Variants in LMNTD1 observed in about 807,000 individuals in gnomAD.
The protein encoded by LMNTD1 is lamin tail domain containing 1, also known as lamin tail domain-containing protein 1.
A neutral mutation model predicts 50.9 loss-of-function variants in LMNTD1; 35 were observed. The ratio of observed to expected loss-of-function variants is 0.69; its 90% confidence interval spans 0.53 to 0.91. The LOEUF (loss-of-function observed/expected upper bound fraction) is 0.91. Ranked by LOEUF, LMNTD1 falls within the 40% of genes least tolerant of loss-of-function variation. LMNTD1 has a pLI of 0.00. For missense variants in LMNTD1, 470 were observed against 475.5 expected, an observed-to-expected ratio of 0.99 and a Z score of 0.11; for synonymous variants, 153 against 161.9, an observed-to-expected ratio of 0.94 and a Z score of 0.42.
At chr12:25,526,032 A>G (rs1941680298) in intron 6 of LMNTD1, 67 bp downstream of exon 6, 1 of 1,313,494 alleles carries the variant, frequency 7.6e-7, no homozygotes, top group African/African-American at 1.5e-5. Flanking sequence ...AGAATAAAAA[A>G]TACAGATATG....
intron 9 of LMNTD1, among the ~76,000 whole-genome samples, chr12:25,476,950 T>C (rs563463640): frequency 3.3e-5 from 5 of 152,338 alleles, no homozygotes; most frequent in East Asian, 3.9e-4. Context: ...GCTACTGCCA[T>C]GGCCAGGGTA....
chr12:25,520,827 C>CCAACATT (rs1941265733), intron 6 of LMNTD1, among the ~76,000 whole-genome samples: 1 of 152,168 alleles, frequency 6.6e-6, no homozygotes, highest in Non-Finnish European at 1.5e-5. Flanking sequence ...CAACCATGTA[C>CCAACATT]TGGGGTTCCC....
At chr12:25,546,622 A>G (rs1269083877) in intron 3 of LMNTD1, 68 bp from the exon 4 acceptor site, 8 of 957,580 alleles carry the variant, frequency 8.4e-6, no homozygotes, top group African/African-American at 1.7e-5. Flanking sequence ...AAAGGACCTA[A>G]AGCCATTATC....
chr12:25,566,756 A>G (rs1403013144), intron 1 of LMNTD1, among the ~76,000 whole-genome samples: 2 of 152,226 alleles, frequency 1.3e-5, no homozygotes, highest in Non-Finnish European at 1.5e-5. Flanking sequence ...CTGTTGATGA[A>G]CAATCCTATC....
chr12:25,534,782 G>A (rs975301335), intron 4 of LMNTD1, among the ~76,000 whole-genome samples: 1 of 152,164 alleles, frequency 6.6e-6, no homozygotes, highest in African/African-American at 2.4e-5. Context: ...CAGTACTAAG[G>A]AGACTTTTGC....
At chr12:25,544,367 C>CTAATA (rs1555102134) in intron 4 of LMNTD1, among the ~76,000 whole-genome samples, 4 of 150,890 alleles carry the variant, frequency 2.7e-5, no homozygotes, top group Non-Finnish European at 4.4e-5. Flanking sequence ...TCTATTTTAT[C>CTAATA]TAAGTATAGC....
intron 1 of LMNTD1, among the ~76,000 whole-genome samples, chr12:25,585,499 A>G (rs1389541100): frequency 1.3e-5 from 2 of 152,230 alleles, no homozygotes; most frequent in African/African-American, 2.4e-5. Context: ...CTCAAGGGAG[A>G]TATTTTCAGC....
chr12:25,505,194 T>G (rs538757358), intron 8 of LMNTD1, among the ~76,000 whole-genome samples: 15 of 101,028 alleles, frequency 1.5e-4, no homozygotes, highest in Admixed American at 1.5e-3. Flanking sequence ...CAATTTTGGG[T>G]TTTTTTTTGA....
At position 25,593,252 on chromosome 12, in the gene LMNTD1, C is replaced by A. The variant is rs1592083768; in HGVS notation, c.59-46698G>T. Reference sequence around the variant, plus strand: ...GCTCCAATCCTGGCAAGAGGCCAACCATCACAAAAATAGTGCATTAAGCAA... The same window carrying A: ...GCTCCAATCCTGGCAAGAGGCCAACAATCACAAAAATAGTGCATTAAGCAA... On this transcript the variant is annotated intron_variant, in intron 1 of 7. Transcript: ENST00000445693. Among the ~76,000 whole-genome samples the A allele has an allele frequency of 2.6e-5, 4 of 152,274 alleles. No homozygotes were observed. In the South Asian group the frequency reaches 8.3e-4, roughly 32 times the overall value.
intron 1 of LMNTD1, among the ~76,000 whole-genome samples, chr12:25,596,829 C>T (rs1262372844): frequency 6.6e-6 from 1 of 151,932 alleles, no homozygotes; most frequent in Non-Finnish European, 1.5e-5. Flanking sequence ...AAAGGACGAA[C>T]CAATTCAAAA....
chr12:25,540,158 T>C (rs1942951645), intron 4 of LMNTD1, among the ~76,000 whole-genome samples: 1 of 91,720 alleles, frequency 1.1e-5, no homozygotes, highest in African/African-American at 4.3e-5. Flanking sequence ...AAGGAGGAAC[T>C]GGTACCATTC....
At chr12:25,527,681 TACACACAC>T (rs376707066) in intron 4 of LMNTD1, among the ~76,000 whole-genome samples, 419 of 31,608 alleles carry the variant, frequency 0.013, no homozygotes, top group Middle Eastern at 0.032. Context: ...TATATATATA[TACACACAC>T]ACACACACAC....
At chr12:25,537,384 G>C (rs1942681886) in intron 4 of LMNTD1, among the ~76,000 whole-genome samples, 1 of 152,192 alleles carries the variant, frequency 6.6e-6, no homozygotes, top group Admixed American at 6.5e-5. Flanking sequence ...CTGGGAATGG[G>C]CAGACTGCCT....
At chr12:25,556,338 A>AG, upstream of LMNTD1, among the ~76,000 whole-genome samples, 1 of 152,314 alleles carries the variant, frequency 6.6e-6, no homozygotes, top group East Asian at 1.9e-4. Context: ...TTTCCAAATG[A>AG]GGAAGTGGAA....
At chr12:25,483,126 T>C (rs1938496896) in intron 9 of LMNTD1, among the ~76,000 whole-genome samples, 1 of 151,950 alleles carries the variant, frequency 6.6e-6, no homozygotes, top group South Asian at 2.1e-4. Flanking sequence ...AAAATGGATA[T>C]AAGAAGTCTT....
At position 25,549,198 on chromosome 12, in the gene LMNTD1, A is replaced by T. The variant is rs578107093; in HGVS notation, c.310+128T>A. 8.6e-6 allele frequency: 5 copies of T among 582,234 alleles called. No homozygotes were observed. The East Asian group carries it at 1.4e-4, about 17-fold the overall frequency. The allele number at this position is 582,234 out of a possible 1,614,324, so 36.1% of individuals were successfully genotyped here. On this transcript the variant is annotated intron_variant, in intron 3 of 9. Transcript: ENST00000458174. The stretch of plus-strand genomic sequence containing the variant: ...CCATAGTTAAGTTACTTTTCATAAG[A>T]TGCTAGGAAGTTAGCATTTTGGGGG...
At chr12:25,500,770 C>T (rs755304920) in intron 9 of LMNTD1, among the ~76,000 whole-genome samples, 3 of 152,118 alleles carry the variant, frequency 2.0e-5, no homozygotes, top group African/African-American at 4.8e-5. Flanking sequence ...TCTTAACTTG[C>T]GAAAAGTTCT....
intron 1 of LMNTD1, among the ~76,000 whole-genome samples, chr12:25,626,081 T>C (rs534837486): frequency 6.6e-6 from 1 of 152,256 alleles, no homozygotes; most frequent in Non-Finnish European, 1.5e-5. Context: ...CTTTTTCATC[T>C]GTTTGAAAGT....
chr12:25,525,930 A>C (rs1489285243), intron 6 of LMNTD1, among the ~76,000 whole-genome samples, 169 bp downstream of exon 6: 1 of 152,126 alleles, frequency 6.6e-6, no homozygotes, highest in Non-Finnish European at 1.5e-5. Flanking sequence ...TAAATAAATA[A>C]ATTTATAAGA....
Sources: gnomAD v4.1 joint callset for allele counts (sites outside exome capture counted in the v4.1 genomes callset) on GRCh38, gnomAD v4.1.1 for gene constraint, MANE v1.5 for transcripts, NCBI Gene and HGNC (gene_info 2026-07-23, HGNC 2026-07-21) for gene names.